The following HS3ST1 variants were observed in gnomAD, a reference collection of about 807,000 sequenced individuals.
The protein encoded by HS3ST1 is heparan sulfate glucosamine 3-O-sulfotransferase 1.
Under a neutral mutation model 20.7 loss-of-function variants are expected in HS3ST1, and 8 were observed. The observed-to-expected ratio is 0.39, with a 90% confidence interval of 0.23 to 0.70. The LOEUF (loss-of-function observed/expected upper bound fraction) is 0.70. Among genes scored for constraint, HS3ST1 ranks in the 30% least tolerant of loss-of-function variants. The pLI is 0.46. For missense variants in HS3ST1, 436 were observed against 423.4 expected, an observed-to-expected ratio of 1.03 and a Z score of -0.26; for synonymous variants, 205 against 190.4, an observed-to-expected ratio of 1.08 and a Z score of -0.63.
intron 1 of HS3ST1, among the ~76,000 whole-genome samples, chr4:11,426,815 G>A (rs1719073020): frequency 6.6e-6 from 1 of 152,242 alleles, no homozygotes; most frequent in Non-Finnish European, 1.5e-5. Flanking sequence ...TCTGCTTAGC[G>A]CTGGAGAAAA....
In HS3ST1 at chr4:11,397,107, C is replaced by T. The variant is rs1455442517; in HGVS notation, c.*1975G>A. The T allele has an allele frequency of 1.3e-5, 2 of 152,266 alleles. No individual in the cohort carries two copies. Among genetic ancestry groups the T allele is most frequent in the East Asian group, 1.9e-4 (1 of 5,202 alleles). 9.4% of individuals were successfully genotyped at this position (152,266 alleles called of 1,614,324 possible). A position where few individuals can be genotyped will look rare whatever the true frequency, so the allele number is the denominator to read the frequency against. The stretch of plus-strand genomic sequence containing the variant: ...ACCTTGCTGGGCCCTCTTATTTCTT[C>T]AGCTCTTCAAGGAGTATGGTAAAAG... On this transcript the variant is annotated 3_prime_UTR_variant, in exon 2 of 2. Transcript: ENST00000002596.
chr4:11,429,624 G>T (rs1455922046), upstream of HS3ST1: 1 of 126,500 alleles, frequency 7.9e-6, no homozygotes. Flanking sequence ...AATTTGCCAG[G>T]AGAGCGCGGA....
chr4:11,406,157 C>T (rs957611039), intron 1 of HS3ST1, among the ~76,000 whole-genome samples: 1 of 152,232 alleles, frequency 6.6e-6, no homozygotes, highest in African/African-American at 2.4e-5. Context: ...TGAGCACTCA[C>T]TGGGTGCCAG....
rs1342573958 is a variant in HS3ST1 at position 11,394,728 on chromosome 4, A to G, written c.*4354T>C. 2.6e-5 allele frequency: 4 copies of G among 152,254 alleles called. No individual in the cohort carries two copies. The highest frequency in any genetic ancestry group is 9.6e-5 in the African/African-American group (4 of 41,474). 9.4% of individuals were successfully genotyped at this position (152,254 alleles called of 1,614,324 possible). A position where few individuals can be genotyped will look rare whatever the true frequency, so the allele number is the denominator to read the frequency against. ...ACAAATAGATGGACTGAAAAGGAGC[A>G]GAGACATCGGAGACAAAATTTCATT... On this transcript the variant is annotated 3_prime_UTR_variant, in exon 2 of 2. Coordinates refer to ENST00000002596, the MANE Select transcript of HS3ST1 (RefSeq NM_005114.4).
intron 1 of HS3ST1, among the ~76,000 whole-genome samples, chr4:11,400,723 T>A (rs551782756): frequency 6.6e-6 from 1 of 152,294 alleles, no homozygotes; most frequent in African/African-American, 2.4e-5. Context: ...TAACAGAGCA[T>A]GTGAATTAGT....
upstream of HS3ST1, among the ~76,000 whole-genome samples, chr4:11,431,995 T>C (rs1485896030): frequency 6.6e-6 from 1 of 152,200 alleles, no homozygotes; most frequent in Non-Finnish European, 1.5e-5. Flanking sequence ...CCCTATTTTA[T>C]AATTGAGGGA....
intron 1 of HS3ST1, 94 bp from the exon 2 acceptor site, chr4:11,400,207 C>T: frequency 9.3e-7 from 1 of 1,074,060 alleles, no homozygotes; most frequent in Non-Finnish European, 1.3e-6. Flanking sequence ...GGCCTATATT[C>T]ACCTCCCCAG....
At chr4:11,405,001 G>A (rs1267318910) in intron 1 of HS3ST1, among the ~76,000 whole-genome samples, 1 of 152,212 alleles carries the variant, frequency 6.6e-6, no homozygotes, top group Non-Finnish European at 1.5e-5. Flanking sequence ...AACAAAGCCA[G>A]GAACTTCACT....
chr4:11,424,169 C>A (rs910050776), intron 1 of HS3ST1, among the ~76,000 whole-genome samples: 2 of 152,134 alleles, frequency 1.3e-5, no homozygotes, highest in Non-Finnish European at 2.9e-5. Context: ...CTGTTCCACT[C>A]AAGCTGTTAC....
intron 1 of HS3ST1, among the ~76,000 whole-genome samples, chr4:11,401,129 G>A (rs950569459): frequency 2.0e-5 from 3 of 152,202 alleles, no homozygotes; most frequent in African/African-American, 7.2e-5. Context: ...GAAGACACAT[G>A]TTCATTCATT....
intron 1 of HS3ST1, among the ~76,000 whole-genome samples, chr4:11,424,451 G>T (rs905522721): frequency 1.3e-5 from 2 of 152,212 alleles, no homozygotes; most frequent in African/African-American, 4.8e-5. Flanking sequence ...GATGTTTCAT[G>T]CTGGAGACAG....
chr4:11,424,123 T>A (rs1719005290), intron 1 of HS3ST1, among the ~76,000 whole-genome samples: 1 of 151,256 alleles, frequency 6.6e-6, no homozygotes, highest in South Asian at 2.1e-4. Context: ...GGATCTGGGC[T>A]ACAACCCCCA....
In HS3ST1 at chr4:11,394,646, T is replaced by A. The variant is rs1718088650; in HGVS notation, c.*4436A>T. ...AAATCCTAGATGCCCATAATTTCCC[T>A]TACAGGCTCTGCCTAATAGACAGAT... On this transcript the variant is annotated 3_prime_UTR_variant, in exon 2 of 2. Transcript: ENST00000002596. 6.6e-6 allele frequency: 1 copy of A among 152,230 alleles called. No homozygotes were observed. The highest frequency in any genetic ancestry group is 1.5e-5 in the Non-Finnish European group (1 of 68,054). The allele number at this position is 152,230 out of a possible 1,614,324, so 9.4% of individuals were successfully genotyped here.
At chr4:11,431,680 A>C (rs578254933), upstream of HS3ST1, among the ~76,000 whole-genome samples, 14 of 152,324 alleles carry the variant, frequency 9.2e-5, no homozygotes, top group South Asian at 2.9e-3. Flanking sequence ...AAGAAGATAA[A>C]GGCTCAAGGA....
chr4:11,404,700 G>C (rs1289842648), intron 1 of HS3ST1, among the ~76,000 whole-genome samples: 1 of 152,194 alleles, frequency 6.6e-6, no homozygotes, highest in Non-Finnish European at 1.5e-5. Context: ...GTAAACAAAT[G>C]GGACCTTTTG....
intron 1 of HS3ST1, among the ~76,000 whole-genome samples, chr4:11,427,686 C>T (rs1202230171): frequency 2.6e-5 from 4 of 152,184 alleles, no homozygotes; most frequent in African/African-American, 4.8e-5. Flanking sequence ...CCTGAGTGTG[C>T]GAGGAATCGC....
chr4:11,430,053 A>C (rs1719173949), upstream of HS3ST1, among the ~76,000 whole-genome samples: 1 of 152,132 alleles, frequency 6.6e-6, no homozygotes, highest in African/African-American at 2.4e-5. Context: ...AACATTGTTT[A>C]ATTAAAAAAA....
chr4:11,409,436 G>A (rs1307993402), intron 1 of HS3ST1, among the ~76,000 whole-genome samples: 1 of 139,078 alleles, frequency 7.2e-6, no homozygotes. Context: ...GGTTGTAAGG[G>A]TGGGGCTCCA....
upstream of HS3ST1, among the ~76,000 whole-genome samples, chr4:11,432,566 T>A (rs1021580571): frequency 1.3e-5 from 2 of 152,216 alleles, no homozygotes; most frequent in African/African-American, 2.4e-5. Flanking sequence ...GTAAAACTTA[T>A]GAGAGCAGAT....
Sources: allele counts gnomAD v4.1 joint callset (sites outside exome capture counted in the v4.1 genomes callset), GRCh38; gene constraint gnomAD v4.1.1; transcripts MANE v1.5; gene names NCBI Gene and HGNC (gene_info 2026-07-23, HGNC 2026-07-21).